Variants in SAP30BP observed in about 807,000 individuals in gnomAD.
The protein encoded by SAP30BP is SAP30-binding protein.
A neutral mutation model predicts 46.3 loss-of-function variants in SAP30BP; 31 were observed. The observed-to-expected ratio is 0.67, with a 90% CI of 0.50 to 0.90. The LOEUF is 0.90. SAP30BP is among the 40% of genes least tolerant of loss of function. The pLI is 0.00. For missense variants in SAP30BP, 312 were observed against 391.0 expected (o/e 0.80, Z 1.70); for synonymous variants, 169 against 144.2 (o/e 1.17, Z -1.23).
At chr17:75,683,300 G>C (rs2060112030) in intron 3 of SAP30BP, among the ~76,000 whole-genome samples, 1 of 151,652 alleles carries the variant, frequency 6.6e-6, no homozygotes, top group South Asian at 2.1e-4. Flanking sequence ...GCCTGCCTCA[G>C]CCTCCCAAAG....
intron 4 of SAP30BP, among the ~76,000 whole-genome samples, chr17:75,699,526 A>G (rs1161680665): frequency 6.6e-6 from 1 of 150,620 alleles, no homozygotes; most frequent in Admixed American, 6.6e-5. Flanking sequence ...AAAAAAACGG[A>G]AAAGTTAACT....
intron 6 of SAP30BP, 66 bp from the exon 7 acceptor site, chr17:75,703,245 G>A (rs949771953): frequency 1.4e-6 from 2 of 1,473,906 alleles, no homozygotes; most frequent in Non-Finnish European, 9.5e-7. Flanking sequence ...CCCAGGAGCT[G>A]GATGGTTCAG....
At chr17:75,686,494 C>T (rs1470384889) in intron 3 of SAP30BP, among the ~76,000 whole-genome samples, 1 of 150,558 alleles carries the variant, frequency 6.6e-6, no homozygotes, top group Non-Finnish European at 1.5e-5. Flanking sequence ...CCAGCCTGGG[C>T]AACAGAGCGG....
At chr17:75,691,799 T>C (rs1457462547) in intron 3 of SAP30BP, 1 of 267,012 alleles carries the variant, frequency 3.7e-6, no homozygotes, top group Non-Finnish European at 7.4e-6. Flanking sequence ...CCCAGAAAGC[T>C]GTTCTCTAGA....
chr17:75,699,304 G>A (rs2060369971), intron 4 of SAP30BP, among the ~76,000 whole-genome samples: 2 of 151,790 alleles, frequency 1.3e-5, no homozygotes, highest in African/African-American at 4.8e-5. Flanking sequence ...TCGGGTTCAA[G>A]CAATTCTAGT....
chr17:75,690,626 C>A, intron 3 of SAP30BP: 1 of 454,282 alleles, frequency 2.2e-6, no homozygotes, highest in Non-Finnish European at 4.4e-6. Flanking sequence ...ACCAAGCGAG[C>A]ACTTTAGGAT....
At chr17:75,700,454 G>T (rs2060391273) in intron 5 of SAP30BP, among the ~76,000 whole-genome samples, 1 of 152,114 alleles carries the variant, frequency 6.6e-6, no homozygotes. Context: ...CCCTCTGTGG[G>T]TTCCCTTGTG....
At chr17:75,677,978 T>C (rs961351228) in intron 3 of SAP30BP, among the ~76,000 whole-genome samples, 2 of 152,128 alleles carry the variant, frequency 1.3e-5, no homozygotes, top group Admixed American at 1.3e-4. Context: ...GTTTGAGAAC[T>C]GTTTTTATTG....
chr17:75,702,724 G>A (rs2060432410), intron 6 of SAP30BP, 153 bp downstream of exon 6: 1 of 478,330 alleles, frequency 2.1e-6, no homozygotes, highest in Admixed American at 3.6e-5. Flanking sequence ...ATGGCGGACT[G>A]TGCTAACCCA....
chr17:75,696,625 G>T (rs949535122), intron 4 of SAP30BP, among the ~76,000 whole-genome samples: 1 of 151,888 alleles, frequency 6.6e-6, no homozygotes, highest in Non-Finnish European at 1.5e-5. Context: ...ACTCAGAAGG[G>T]AGAGGACCAC....
At chr17:75,687,439 G>T (rs1455744671) in intron 3 of SAP30BP, among the ~76,000 whole-genome samples, 1 of 151,862 alleles carries the variant, frequency 6.6e-6, no homozygotes, top group African/African-American at 2.4e-5. Context: ...AACATAGTGA[G>T]ACCCCATCTC....
At chr17:75,675,138 TTTG>T (rs2059971397) in intron 3 of SAP30BP, among the ~76,000 whole-genome samples, 1 of 152,156 alleles carries the variant, frequency 6.6e-6, no homozygotes, top group African/African-American at 2.4e-5. Context: ...ACTTTGGTTT[TTTG>T]TTGTTTTTTT....
chr17:75,688,378 G>A (rs564912077), intron 3 of SAP30BP, among the ~76,000 whole-genome samples: 3 of 152,288 alleles, frequency 2.0e-5, no homozygotes, highest in African/African-American at 4.8e-5. Flanking sequence ...TAGCTGCCAC[G>A]TACTTGTAAG....
Position 75,699,886 on chromosome 17 carries a change from C to A in SAP30BP, c.396+15C>A, listed in dbSNP as rs576335127. ...ATCACTTGCAAGTAAGCATGAGACT[C>A]GGCTACTGAGGTCGGATAGATTAGA... On this transcript the variant is annotated intron_variant, in intron 5 of 10. Coordinates refer to ENST00000584667, the MANE Select transcript of SAP30BP (RefSeq NM_013260.8). The A allele has an allele frequency of 1.9e-6, 3 of 1,588,814 alleles. No individual in the cohort carries two copies. The highest frequency in any genetic ancestry group is 2.6e-6 in the Non-Finnish European group (3 of 1,157,656).
At chr17:75,675,441 G>T (rs1340151343) in intron 3 of SAP30BP, among the ~76,000 whole-genome samples, 1 of 152,066 alleles carries the variant, frequency 6.6e-6, no homozygotes, top group African/African-American at 2.4e-5. Context: ...GAGCCACCTC[G>T]CCCGGCCTCT....
At chr17:75,674,497 T>C (rs1026288420) in intron 3 of SAP30BP, among the ~76,000 whole-genome samples, 3 of 151,780 alleles carry the variant, frequency 2.0e-5, no homozygotes, top group African/African-American at 2.4e-5. Context: ...GGTTTCACCA[T>C]GTTGGCCAGG....
chr17:75,702,797 G>A (rs771243795), intron 6 of SAP30BP: 4 of 370,880 alleles, frequency 1.1e-5, no homozygotes, highest in African/African-American at 4.1e-5. Context: ...AGACCTAGAC[G>A]GGGATGAGGG....
At position 75,698,254 on chromosome 17, in the gene SAP30BP, ATCAGG is replaced by A. The variant is rs1437110889; in HGVS notation, c.308-1528_308-1524del. 2.0e-5 allele frequency among the ~76,000 whole-genome samples: 3 copies of A among 152,378 alleles called. No individual in the cohort carries two copies. In the East Asian group the frequency reaches 5.8e-4, roughly 29 times the overall value. On this transcript the variant is annotated intron_variant, in intron 4 of 10. Coordinates refer to ENST00000584667, the MANE Select transcript of SAP30BP (RefSeq NM_013260.8). ...GGGGGTTGTGGTTCTTCCCATCAGA[ATCAGG>A]CCTTTTGTTCTCAGGAATGAGGTGG...
rs1011863352 is a variant in SAP30BP at position 75,682,188 on chromosome 17, A to AT, written c.264+10338dup. ...ATCTCATGATGCTAACCATACGACCATTTTTTTTTTTTTGAGACGGAGTTT... is the reference window on the plus strand; with the variant it reads ...ATCTCATGATGCTAACCATACGACCATTTTTTTTTTTTTTGAGACGGAGTTT... On this transcript the variant is annotated intron_variant, in intron 3 of 10. Coordinates refer to ENST00000584667, the MANE Select transcript of SAP30BP (RefSeq NM_013260.8). Among the ~76,000 whole-genome samples, 332 of 143,252 alleles carry AT rather than the reference A, an allele frequency of 2.3e-3. 1 individual carries two copies. In the East Asian group the frequency reaches 0.023, roughly 10 times the overall value. The allele number at this position is 143,252 out of a possible 152,430, so 94.0% of individuals were successfully genotyped here.
Sources: gnomAD v4.1 joint callset for allele counts (sites outside exome capture counted in the v4.1 genomes callset) on GRCh38, gnomAD v4.1.1 for gene constraint, MANE v1.5 for transcripts, NCBI Gene and HGNC (gene_info 2026-07-23, HGNC 2026-07-21) for gene names.